PXDNL: variants seen among roughly 807,000 people sequenced by gnomAD.
The protein encoded by PXDNL is peroxidasin like.
In PXDNL, 145 loss-of-function variants were observed where a neutral mutation model predicts 150.8. The observed-to-expected ratio is 0.96, with a 90% CI of 0.84 to 1.10. The LOEUF is 1.10. Ranked by LOEUF, PXDNL falls within the 50% of genes least tolerant of loss-of-function variation. The pLI is 0.00. For synonymous variants in PXDNL, 757 were observed against 725.7 expected (o/e 1.04, Z -0.69); for missense variants, 2,087 against 1,873.9 (o/e 1.11, Z -2.10).
rs1187570227 is a variant in PXDNL at position 51,560,114 on chromosome 8, AAAGACT to A, written c.309-3209_309-3204del. ...AGGAATAAACTTAACCAAGCGGGTTAAAGACTTCTACACTGAAAGATACAAAACATT... is the reference window on the plus strand; with the variant it reads ...AGGAATAAACTTAACCAAGCGGGTTATCTACACTGAAAGATACAAAACATT... On this transcript the variant is annotated intron_variant, in intron 3 of 22. Coordinates refer to ENST00000356297, the MANE Select transcript of PXDNL (RefSeq NM_144651.5). Among the ~76,000 whole-genome samples the A allele has an allele frequency of 6.8e-4, 103 of 152,190 alleles. 2 individuals carry two copies. The highest frequency in any genetic ancestry group is 2.4e-3 in the African/African-American group (101 of 41,572).
intron 4 of PXDNL, among the ~76,000 whole-genome samples, chr8:51,504,590 T>C (rs1381841119): frequency 2.0e-5 from 3 of 152,232 alleles, no homozygotes; most frequent in Non-Finnish European, 4.4e-5. Context: ...CACCCAGCAT[T>C]GTACTGTTGC....
chr8:51,498,252 A>G (rs1268895253), intron 5 of PXDNL, among the ~76,000 whole-genome samples: 1 of 139,812 alleles, frequency 7.2e-6, no homozygotes, highest in Non-Finnish European at 1.5e-5. Flanking sequence ...GGACACAGGA[A>G]GGGAAACATC....
At chr8:51,494,171 AG>A (rs1231162666) in intron 5 of PXDNL, among the ~76,000 whole-genome samples, 1 of 152,230 alleles carries the variant, frequency 6.6e-6, no homozygotes, top group African/African-American at 2.4e-5. Context: ...TTTCATATCC[AG>A]CCAAACTAAG....
At position 51,472,271 on chromosome 8, in the gene PXDNL, A is replaced by G; in HGVS notation, c.728T>C (p.Val243Ala). The G allele has an allele frequency of 1.2e-6, 2 of 1,613,324 alleles. No homozygotes were observed. Among genetic ancestry groups the G allele is most frequent in the East Asian group, 2.2e-5 (1 of 44,860 alleles). The change falls in exon 8 of 23, where the codon GTG (valine) becomes GCG (alanine). Residue 243 changes from valine (V) to alanine (A), a missense_variant. Coordinates refer to ENST00000356297, the MANE Select transcript of PXDNL (RefSeq NM_144651.5). Reference sequence around the variant, plus strand: ...GACGGTATTTCCTGATGGTACCTCCACATCCTGCGGCTCAAAAGTAATTCG... The same window carrying G: ...GACGGTATTTCCTGATGGTACCTCCGCATCCTGCGGCTCAAAAGTAATTCG... ...SPRITFEPQD[V>A]EVPSGNTVYF... is the part of the protein sequence containing the mutation.
chr8:51,627,732 T>C (rs1490067293), intron 2 of PXDNL, among the ~76,000 whole-genome samples: 1 of 152,158 alleles, frequency 6.6e-6, no homozygotes, highest in Non-Finnish European at 1.5e-5. Flanking sequence ...CTTTGTGGTG[T>C]TTTTACTTGC....
At position 51,581,808 on chromosome 8, in the gene PXDNL, A is replaced by C. The variant is rs547294261; in HGVS notation, c.308+10819T>G. Among the ~76,000 whole-genome samples the C allele has an allele frequency of 2.6e-5, 4 of 152,270 alleles. No homozygotes were observed. The South Asian group carries it at 8.3e-4, about 32-fold the overall frequency. ...AGAAGGATTGGCATTAGTCCTTGAA[A>C]TGTTTGGTAGAATTCAGCAGTGAAG... On this transcript the variant is annotated intron_variant, in intron 3 of 22. Coordinates refer to ENST00000356297, the MANE Select transcript of PXDNL (RefSeq NM_144651.5).
chr8:51,599,589 T>C (rs1468697503), intron 2 of PXDNL, among the ~76,000 whole-genome samples: 1 of 148,336 alleles, frequency 6.7e-6, no homozygotes, highest in African/African-American at 2.4e-5. Flanking sequence ...GCTATTCTTA[T>C]ATCAAGATAT....
chr8:51,396,808 G>C (rs754227509), intron 17 of PXDNL, among the ~76,000 whole-genome samples: 1 of 152,096 alleles, frequency 6.6e-6, no homozygotes, highest in Non-Finnish European at 1.5e-5. Flanking sequence ...CATTCATACT[G>C]TAGTCCAGAT....
At chr8:51,609,720 C>T (rs1448087479) in intron 2 of PXDNL, among the ~76,000 whole-genome samples, 1 of 152,098 alleles carries the variant, frequency 6.6e-6, no homozygotes. Flanking sequence ...AAAATAGCAG[C>T]GAGAGTTGTG....
intron 19 of PXDNL, among the ~76,000 whole-genome samples, chr8:51,349,665 G>T (rs1806273723): frequency 6.6e-6 from 1 of 152,174 alleles, no homozygotes; most frequent in Admixed American, 6.5e-5. Context: ...GAATATGTCT[G>T]AATATTGCAG....
chr8:51,780,722 C>T (rs781209899), intron 1 of PXDNL, among the ~76,000 whole-genome samples: 41 of 135,864 alleles, frequency 3.0e-4, no homozygotes, highest in Non-Finnish European at 4.6e-4. Context: ...TGCTGTGGCG[C>T]GATCTCAGCT....
intron 14 of PXDNL, among the ~76,000 whole-genome samples, chr8:51,416,372 G>T (rs1418374609): frequency 6.6e-6 from 1 of 152,158 alleles, no homozygotes; most frequent in Non-Finnish European, 1.5e-5. Context: ...ATGTGAATTG[G>T]ATTGATGTTT....
chr8:51,560,577 A>G (rs1812697888), intron 3 of PXDNL, among the ~76,000 whole-genome samples: 1 of 151,994 alleles, frequency 6.6e-6, no homozygotes, highest in African/African-American at 2.4e-5. Context: ...TGTTCAATAA[A>G]TAGTGTTGGG....
At position 51,562,061 on chromosome 8, in the gene PXDNL, AT is replaced by A. The variant is rs1812730799; in HGVS notation, c.309-5151del. Among the ~76,000 whole-genome samples, 11 of 151,664 alleles carry A rather than the reference AT, an allele frequency of 7.3e-5. 1 individual carries two copies. Among genetic ancestry groups the A allele is most frequent in the Admixed American group, 7.2e-4 (11 of 15,190 alleles). On this transcript the variant is annotated intron_variant, in intron 3 of 22. Transcript: ENST00000356297. ...TCATATTTCAATATTTTCTAAGATGATTATATATTGATATATTGCTTTTTCA... is the reference window on the plus strand; with the variant it reads ...TCATATTTCAATATTTTCTAAGATGATATATATTGATATATTGCTTTTTCA...
At chr8:51,483,096 C>G (rs1007212903) in intron 6 of PXDNL, among the ~76,000 whole-genome samples, 1 of 152,170 alleles carries the variant, frequency 6.6e-6, no homozygotes, top group Non-Finnish European at 1.5e-5. Flanking sequence ...AGTGAAGAGA[C>G]AGCTGGAATG....
chr8:51,575,486 G>A (rs1348875448), intron 3 of PXDNL, among the ~76,000 whole-genome samples: 1 of 152,100 alleles, frequency 6.6e-6, no homozygotes, highest in East Asian at 1.9e-4. Flanking sequence ...AGGCCAAAGT[G>A]AGTGGATCAC....
chr8:51,703,665 A>G (rs1333584524), intron 1 of PXDNL, among the ~76,000 whole-genome samples: 1 of 152,238 alleles, frequency 6.6e-6, no homozygotes, highest in Non-Finnish European at 1.5e-5. Flanking sequence ...AACTGTGGCC[A>G]GCAAGTACTG....
At chr8:51,775,412 A>G (rs2037341403) in intron 1 of PXDNL, among the ~76,000 whole-genome samples, 1 of 152,206 alleles carries the variant, frequency 6.6e-6, no homozygotes. Flanking sequence ...TCAAGTCCAC[A>G]TGGAATACAT....
chr8:51,409,074 G>C lies in PXDNL; in HGVS notation c.2550C>G (p.Ala850=). The C allele has an allele frequency of 1.2e-6, 2 of 1,609,532 alleles. No homozygotes were observed. Among genetic ancestry groups the C allele is most frequent in the Non-Finnish European group, 1.7e-6 (2 of 1,179,474 alleles). ...PPCFPMNTRH[A]DPRGTHAPCM... ...AGGGCGCGTGGGTGCCCCGGGGGTC[G>C]GCGTGCCGGGTGTTCATGGGGAAAC... Residue 850 remains alanine, a synonymous_variant, in exon 17 of 23, where the codon GCC becomes GCG. Coordinates refer to ENST00000356297, the MANE Select transcript of PXDNL (RefSeq NM_144651.5).
Sources: gnomAD v4.1 joint callset for allele counts (sites outside exome capture counted in the v4.1 genomes callset) on GRCh38, gnomAD v4.1.1 for gene constraint, MANE v1.5 for transcripts, NCBI Gene and HGNC (gene_info 2026-07-23, HGNC 2026-07-21) for gene names.